The following XIRP2 variants were observed in gnomAD, a reference collection of about 807,000 sequenced individuals.
XIRP2 encodes xin actin binding repeat containing 2.
In XIRP2, 236 loss-of-function variants were observed where a neutral mutation model predicts 277.0. The ratio of observed to expected loss-of-function variants is 0.85; its 90% CI spans 0.77 to 0.95. XIRP2 has a LOEUF of 0.95. XIRP2 is among the 40% of genes least tolerant of loss of function. The probability of loss-of-function intolerance (pLI) is 0.00; values close to 1 mark genes in which losing one functional copy is unlikely to be tolerated. For missense variants in XIRP2, 4,640 were observed against 4,157.5 expected (o/e 1.12, Z -3.19); for synonymous variants, 1,490 against 1,416.5 (o/e 1.05, Z -1.17).
intron 2 of XIRP2, among the ~76,000 whole-genome samples, chr2:167,091,710 A>G (rs1470082096): frequency 6.6e-6 from 1 of 151,944 alleles, no homozygotes; most frequent in Admixed American, 6.6e-5. Context: ...GTTATTTCTG[A>G]CTAGTATTGG....
Position 166,903,474 on chromosome 2 carries a change from G to T in XIRP2, c.-9G>T. 1 of 1,608,386 alleles carries T rather than the reference G, an allele frequency of 6.2e-7. No individual in the cohort carries two copies. The highest frequency in any genetic ancestry group is 8.5e-7 in the Non-Finnish European group (1 of 1,176,724). On this transcript the variant is annotated 5_prime_UTR_variant, in exon 2 of 11. Coordinates refer to ENST00000409195, the MANE Select transcript of XIRP2 (RefSeq NM_152381.6). Reference sequence around the variant, plus strand: ...ATTCTTGATATTGCAGGACAACCTGGACCCATCCATGTTCCCAATGCAGAA... The same window carrying T: ...ATTCTTGATATTGCAGGACAACCTGTACCCATCCATGTTCCCAATGCAGAA...
rs775920368 is a variant in XIRP2, at chr2:167,249,762, G to A, written c.8370G>A (p.Gln2790=). The change falls in exon 9 of 11, where the codon CAG becomes CAA. Residue 2790 remains glutamine, a synonymous_variant. Coordinates refer to ENST00000409195, the MANE Select transcript of XIRP2 (RefSeq NM_152381.6). ...TACAATTGCCTACAGAATCCATACA[G>A]AAGAACCAGGAAGATAAGCTCAAGA... ...VTVQLPTESI[Q]KNQEDKLKMV... 6.2e-7 allele frequency: 1 copy of A among 1,613,278 alleles called. No homozygotes were observed. Among genetic ancestry groups the A allele is most frequent in the South Asian group, 1.1e-5 (1 of 91,018 alleles).
chr2:167,193,879 CAAAAA>C (rs767047580), intron 3 of XIRP2, among the ~76,000 whole-genome samples: 5 of 71,796 alleles, frequency 7.0e-5, no homozygotes, highest in Non-Finnish European at 8.4e-5. Flanking sequence ...GACTCTGTCT[CAAAAA>C]AAAAAAAAAA....
At position 167,247,903 on chromosome 2, in the gene XIRP2, C is replaced by T. The variant is rs1373157169; in HGVS notation, c.6511C>T (p.Pro2171Ser). ...TCCCACCCAGCATCCAGTCAGCATG[C>T]CAGTTGGAGGAACTTACGACCTTTC... is the stretch of plus-strand genomic sequence containing the variant. ...PSPTQHPVSM[P>S]VGGTYDLSGD... is the part of the protein sequence containing the mutation. Residue 2171 changes from proline to serine, a missense_variant, in exon 9 of 11, where the codon CCA (proline) becomes TCA (serine). Pro to Ser is a moderately conservative substitution (Grantham distance 74). Transcript: ENST00000409195. 3 of 1,613,208 alleles carry T rather than the reference C, an allele frequency of 1.9e-6. No homozygotes were observed. Among genetic ancestry groups the T allele is most frequent in the Middle Eastern group, 1.6e-4 (1 of 6,070 alleles).
intron 2 of XIRP2, among the ~76,000 whole-genome samples, chr2:167,029,305 A>G (rs1331363200): frequency 4.6e-5 from 7 of 152,028 alleles, no homozygotes; most frequent in Non-Finnish European, 1.5e-5. Context: ...AGGAAATGCC[A>G]GCTTTTGTCC....
Position 167,106,098 on chromosome 2 carries a change from CA to C in XIRP2, c.409-29808del, listed in dbSNP as rs1408146619. Among the ~76,000 whole-genome samples the C allele has an allele frequency of 3.3e-5, 5 of 151,526 alleles. No individual in the cohort carries two copies. The East Asian group carries it at 9.7e-4, about 29-fold the overall frequency. On this transcript the variant is annotated intron_variant, in intron 2 of 10. Transcript: ENST00000409195. ...AGTCACTTGACACATATGTGATTTG[CA>C]AATATTTTCTCCACTTTGCTGCTCC...
At chr2:167,173,354 T>C (rs1183057086) in intron 3 of XIRP2, among the ~76,000 whole-genome samples, 1 of 152,194 alleles carries the variant, frequency 6.6e-6, no homozygotes, top group East Asian at 1.9e-4. Flanking sequence ...GGTTTTTAGA[T>C]CCCACAAACA....
intron 2 of XIRP2, among the ~76,000 whole-genome samples, chr2:167,052,361 A>G (rs1169478055): frequency 1.3e-5 from 2 of 152,026 alleles, no homozygotes; most frequent in Non-Finnish European, 2.9e-5. Flanking sequence ...TCCAATTAAA[A>G]TCTCGTTTTT....
intron 3 of XIRP2, among the ~76,000 whole-genome samples, chr2:167,139,944 G>C (rs1691662219): frequency 6.6e-6 from 1 of 152,168 alleles, no homozygotes. Context: ...CCAATGAGCT[G>C]TCTACCGTTT....
rs139714253 is a variant in XIRP2 at position 166,937,039 on chromosome 2, C to A, written c.408+33149C>A. Among the ~76,000 whole-genome samples, 289 of 152,240 alleles carry A rather than the reference C, an allele frequency of 1.9e-3. 5 individuals are homozygous for A. In the East Asian group the frequency reaches 0.051, roughly 27 times the overall value. Reference sequence around the variant, plus strand: ...TTTTCAAGATATTGATTGTTCCTATCCATGAGCATGGAATGTTCTTCCATT... The same window carrying A: ...TTTTCAAGATATTGATTGTTCCTATACATGAGCATGGAATGTTCTTCCATT... On this transcript the variant is annotated intron_variant, in intron 2 of 10. Transcript: ENST00000409195.
chr2:166,927,893 C>T (rs1402692116), intron 2 of XIRP2, among the ~76,000 whole-genome samples: 1 of 152,048 alleles, frequency 6.6e-6, no homozygotes, highest in Non-Finnish European at 1.5e-5. Flanking sequence ...CATATGTTAT[C>T]TTTTCTTTAG....
At chr2:167,163,185 T>C (rs1397689084) in intron 3 of XIRP2, among the ~76,000 whole-genome samples, 2 of 152,212 alleles carry the variant, frequency 1.3e-5, no homozygotes, top group Non-Finnish European at 2.9e-5. Context: ...TTTAGTGGAT[T>C]AATACCTGGG....
intron 2 of XIRP2, among the ~76,000 whole-genome samples, chr2:167,098,410 C>A (rs1229419868): frequency 6.6e-6 from 1 of 152,158 alleles, no homozygotes; most frequent in Admixed American, 6.5e-5. Context: ...CTCATTTATG[C>A]TCTTCTCTAA....
intron 2 of XIRP2, among the ~76,000 whole-genome samples, chr2:167,049,625 G>T (rs921137684): frequency 1.3e-5 from 2 of 151,790 alleles, no homozygotes; most frequent in Non-Finnish European, 2.9e-5. Flanking sequence ...CATCTATTGA[G>T]AATTCTCTGC....
chr2:166,956,594 C>A (rs1021560645), intron 2 of XIRP2, among the ~76,000 whole-genome samples: 1 of 151,688 alleles, frequency 6.6e-6, no homozygotes, highest in African/African-American at 2.4e-5. Context: ...GTTTATTTTT[C>A]TTCATATAAA....
At chr2:166,898,667 A>G (rs1248930332) in intron 1 of XIRP2, among the ~76,000 whole-genome samples, 5 of 152,042 alleles carry the variant, frequency 3.3e-5, no homozygotes. Context: ...GTACTGTGCC[A>G]CTTATCACCT....
At chr2:167,214,985 G>T (rs1307538880) in intron 4 of XIRP2, among the ~76,000 whole-genome samples, 1 of 152,144 alleles carries the variant, frequency 6.6e-6, no homozygotes, top group Non-Finnish European at 1.5e-5. Context: ...ATAATACTAA[G>T]GCTTGCCAGA....
At chr2:167,048,951 A>G (rs1353522984) in intron 2 of XIRP2, among the ~76,000 whole-genome samples, 5 of 152,042 alleles carry the variant, frequency 3.3e-5, no homozygotes, top group Admixed American at 6.6e-5. Context: ...TTTCCTGCCC[A>G]GCACTGTAAA....
At chr2:167,069,718 C>T (rs564139550) in intron 2 of XIRP2, among the ~76,000 whole-genome samples, 5 of 152,242 alleles carry the variant, frequency 3.3e-5, no homozygotes, top group South Asian at 2.1e-4. Context: ...CTTGCCCATG[C>T]GCAGAATTGG....
Sources: allele counts gnomAD v4.1 joint callset (sites outside exome capture counted in the v4.1 genomes callset), GRCh38; gene constraint gnomAD v4.1.1; transcripts MANE v1.5; gene names NCBI Gene and HGNC (gene_info 2026-07-23, HGNC 2026-07-21).